Variants in MTUS2 observed in about 807,000 individuals in gnomAD.
The protein encoded by MTUS2 is microtubule associated scaffold protein 2, also known as microtubule-associated tumor suppressor candidate 2.
MTUS2 carries 40 observed loss-of-function variants against 114.1 expected under a neutral mutation model. The ratio of observed to expected loss-of-function variants is 0.35; its 90% CI spans 0.27 to 0.46. The LOEUF (loss-of-function observed/expected upper bound fraction) is 0.46, where lower values mean the gene tolerates loss of function less well. Among genes scored for constraint, MTUS2 ranks in the 20% least tolerant of loss-of-function variants. The probability of loss-of-function intolerance (pLI) is 1.00; values close to 1 mark genes in which losing one functional copy is unlikely to be tolerated. For synonymous variants in MTUS2, 688 were observed against 672.0 expected (o/e 1.02, Z -0.37); for missense variants, 1,679 against 1,705.4 (o/e 0.98, Z 0.27).
At chr13:29,260,895 G>A (rs986993467) in intron 5 of MTUS2, among the ~76,000 whole-genome samples, 5 of 152,134 alleles carry the variant, frequency 3.3e-5, no homozygotes, top group Admixed American at 6.5e-5. Context: ...GTAGAGGCCG[G>A]GGTTGCTGCT....
At chr13:29,229,189 T>A (rs1048581605) in intron 5 of MTUS2, among the ~76,000 whole-genome samples, 1 of 152,220 alleles carries the variant, frequency 6.6e-6, no homozygotes, top group African/African-American at 2.4e-5. Context: ...ACCTCTAGTT[T>A]TCTGCAGTAA....
chr13:29,206,625 C>A (rs187817579), intron 5 of MTUS2, among the ~76,000 whole-genome samples: 1 of 152,042 alleles, frequency 6.6e-6, no homozygotes, highest in Non-Finnish European at 1.5e-5. Context: ...CTTCTGCATG[C>A]GGCTTGCCAG....
At position 29,140,991 on chromosome 13, in the gene MTUS2, T is replaced by A. The variant is rs117823292; in HGVS notation, c.2644+40021T>A. On this transcript the variant is annotated intron_variant, in intron 5 of 15. Coordinates refer to ENST00000612955, the MANE Select transcript of MTUS2 (RefSeq NM_001033602.4). Reference sequence around the variant, plus strand: ...TAAAGAAATAGCCTTAGGGGTCCCCTGACCCCTTCCACCATCAGAGACAAA... The same window carrying A: ...TAAAGAAATAGCCTTAGGGGTCCCCAGACCCCTTCCACCATCAGAGACAAA... Among the ~76,000 whole-genome samples the A allele has an allele frequency of 5.0e-3, 758 of 152,338 alleles. 1 individual carries two copies. The highest frequency in any genetic ancestry group is 8.6e-3 in the Non-Finnish European group (588 of 68,014).
intron 4 of MTUS2, among the ~76,000 whole-genome samples, chr13:29,100,555 G>C (rs1890367593): frequency 6.6e-6 from 1 of 151,950 alleles, no homozygotes; most frequent in South Asian, 2.1e-4. Context: ...TCCAGGCTGG[G>C]GCTGCACCAC....
chr13:29,406,466 A>G (rs898221889), intron 8 of MTUS2, among the ~76,000 whole-genome samples: 3 of 152,190 alleles, frequency 2.0e-5, no homozygotes, highest in Non-Finnish European at 4.4e-5. Flanking sequence ...ATTCCTCACC[A>G]CAGGGGCTTT....
intron 5 of MTUS2, among the ~76,000 whole-genome samples, chr13:29,116,829 A>G (rs1304011702): frequency 6.6e-6 from 1 of 152,194 alleles, no homozygotes; most frequent in African/African-American, 2.4e-5. Flanking sequence ...ACAATGAAGC[A>G]TGAGATTTCA....
chr13:29,024,271 A>G (rs984146292), intron 2 of MTUS2, among the ~76,000 whole-genome samples, 186 bp from the exon 3 acceptor site: 1 of 152,202 alleles, frequency 6.6e-6, no homozygotes. Context: ...TCTAACATTA[A>G]ACATTTTGAT....
At chr13:29,296,217 G>C (rs1344129071) in intron 6 of MTUS2, among the ~76,000 whole-genome samples, 4 of 151,750 alleles carry the variant, frequency 2.6e-5, no homozygotes, top group Admixed American at 1.3e-4. Context: ...TTGTTTGTTT[G>C]TTTGTTTGTT....
intron 5 of MTUS2, among the ~76,000 whole-genome samples, chr13:29,256,500 G>A (rs188758492): frequency 3.9e-5 from 6 of 152,370 alleles, no homozygotes; most frequent in Admixed American, 3.3e-4. Context: ...GCACCACGGA[G>A]GGACAAGGGC....
At chr13:29,273,325 T>C (rs1389075044) in intron 5 of MTUS2, among the ~76,000 whole-genome samples, 1 of 152,180 alleles carries the variant, frequency 6.6e-6, no homozygotes. Context: ...TTTTAAGTAT[T>C]ATGTAAGAAT....
At chr13:29,432,497 T>C (rs1020585870) in intron 8 of MTUS2, among the ~76,000 whole-genome samples, 5 of 152,212 alleles carry the variant, frequency 3.3e-5, no homozygotes, top group Non-Finnish European at 7.3e-5. Flanking sequence ...ACAAGCCTGA[T>C]AAACATGTTA....
intron 8 of MTUS2, among the ~76,000 whole-genome samples, chr13:29,368,101 G>A (rs1288772229): frequency 1.3e-5 from 2 of 151,890 alleles, no homozygotes; most frequent in African/African-American, 4.8e-5. Context: ...ACCGCACCCG[G>A]CTAATTTTTT....
intron 5 of MTUS2, among the ~76,000 whole-genome samples, chr13:29,249,079 C>T (rs1343550105): frequency 6.6e-6 from 1 of 152,154 alleles, no homozygotes; most frequent in African/African-American, 2.4e-5. Flanking sequence ...CTTCTGACTC[C>T]CAGCTTCCAG....
intron 2 of MTUS2, among the ~76,000 whole-genome samples, chr13:28,871,191 A>C (rs796350279): frequency 5.3e-5 from 8 of 152,306 alleles, no homozygotes; most frequent in African/African-American, 1.9e-4. Context: ...ATAATTATTA[A>C]ATATTTCTTA....
In MTUS2 at chr13:28,922,551, C is replaced by T. The variant is rs866250508; in HGVS notation, c.-243+82701C>T. ...TGGCTATGCCTGGTCCAAATGCTCC[C>T]TCTCTGGGTGGGCATCTGCTGGGTG... is the stretch of plus-strand genomic sequence containing the variant. On this transcript the variant is annotated intron_variant, in intron 2 of 15. Transcript: ENST00000612955. Among the ~76,000 whole-genome samples, 13 of 152,290 alleles carry T rather than the reference C, an allele frequency of 8.5e-5. No individual in the cohort carries two copies. The Middle Eastern group carries it at 0.01, about 120-fold the overall frequency.
chr13:29,006,466 A>G (rs1292219150), intron 2 of MTUS2, among the ~76,000 whole-genome samples: 1 of 152,196 alleles, frequency 6.6e-6, no homozygotes, highest in East Asian at 1.9e-4. Context: ...TCCTCCAAAC[A>G]AAGCTACAAG....
chr13:29,479,619 G>A (rs556278780), intron 9 of MTUS2, among the ~76,000 whole-genome samples: 15 of 152,268 alleles, frequency 9.9e-5, no homozygotes, highest in Admixed American at 7.8e-4. Context: ...ATTTTAGCTA[G>A]AAGAGAATAG....
At chr13:29,131,295 G>T (rs1891751705) in intron 5 of MTUS2, among the ~76,000 whole-genome samples, 1 of 152,252 alleles carries the variant, frequency 6.6e-6, no homozygotes, top group Non-Finnish European at 1.5e-5. Flanking sequence ...AGGTTTTGGA[G>T]ATTGACAGAA....
At chr13:29,488,434 CCTCTTTT>C (rs1881798478) in intron 11 of MTUS2, among the ~76,000 whole-genome samples, 1 of 135,510 alleles carries the variant, frequency 7.4e-6, no homozygotes, top group African/African-American at 2.9e-5. Context: ...TTTTTTTTTT[CCTCTTTT>C]TTTTTTTTTT....
Sources: gnomAD v4.1 joint callset for allele counts (sites outside exome capture counted in the v4.1 genomes callset) on GRCh38, gnomAD v4.1.1 for gene constraint, MANE v1.5 for transcripts, NCBI Gene and HGNC (gene_info 2026-07-23, HGNC 2026-07-21) for gene names.